Variants in FMN2 observed in about 807,000 individuals in gnomAD.
FMN2 encodes the protein formin-2.
Under a neutral mutation model 142.3 loss-of-function variants are expected in FMN2, and 51 were observed. The ratio of observed to expected loss-of-function variants is 0.36; its 90% CI spans 0.29 to 0.45. The LOEUF is 0.45. Among genes scored for constraint, FMN2 ranks in the 20% least tolerant of loss-of-function variants. FMN2 has a pLI of 1.00. For missense variants in FMN2, 1,936 were observed against 2,122.8 expected (o/e 0.91, Z 1.73); for synonymous variants, 882 against 869.8 (o/e 1.01, Z -0.25).
intron 6 of FMN2, among the ~76,000 whole-genome samples, chr1:240,228,310 AAAAAAAAAAAAAAAAAAAAAAAG>A (rs1352764297): frequency 3.0e-5 from 2 of 67,568 alleles, no homozygotes; most frequent in Non-Finnish European, 5.4e-5. Context: ...TCTCAAAAAA[AAAAAAAAAAAAAAAAAAAAAAAG>A]AAAAAGAAAA....
chr1:240,219,987 C>T (rs1667046437), intron 6 of FMN2, among the ~76,000 whole-genome samples: 1 of 152,052 alleles, frequency 6.6e-6, no homozygotes, highest in Non-Finnish European at 1.5e-5. Context: ...TAGTATTTCA[C>T]CTTTAGTTTT....
intron 6 of FMN2, among the ~76,000 whole-genome samples, chr1:240,246,202 TAAAA>T (rs535256684): frequency 1.6e-4 from 24 of 151,848 alleles, no homozygotes; most frequent in Non-Finnish European, 3.1e-4. Context: ...TAAAAATAAA[TAAAA>T]AAAGTAGAGG....
At chr1:240,427,171 T>TTTTA (rs1222415126) in intron 15 of FMN2, among the ~76,000 whole-genome samples, 4 of 136,886 alleles carry the variant, frequency 2.9e-5, no homozygotes, top group African/African-American at 9.7e-5. Flanking sequence ...ACAACTGATT[T>TTTTA]TATATATATA....
At chr1:240,422,130 G>T (rs9442208) in intron 15 of FMN2, among the ~76,000 whole-genome samples, 1,688 of 152,270 alleles carry the variant, frequency 0.011, 31 homozygotes, top group African/African-American at 0.037. Context: ...TCTTTTGCCA[G>T]TACCATGCTG....
intron 8 of FMN2, among the ~76,000 whole-genome samples, chr1:240,307,420 T>C (rs1236236759): frequency 6.6e-6 from 1 of 152,240 alleles, no homozygotes; most frequent in African/African-American, 2.4e-5. Context: ...TTAATTTTTA[T>C]GTGTGGTAAG....
chr1:240,395,419 G>A (rs190596668), intron 15 of FMN2, among the ~76,000 whole-genome samples: 2 of 152,152 alleles, frequency 1.3e-5, no homozygotes, highest in African/African-American at 4.8e-5. Context: ...CATTTGGTAA[G>A]GCTATAGCTG....
At chr1:240,262,394 T>C (rs1668660849) in intron 7 of FMN2, among the ~76,000 whole-genome samples, 1 of 152,236 alleles carries the variant, frequency 6.6e-6, no homozygotes, top group Admixed American at 6.5e-5. Context: ...CATGTTTTAC[T>C]CAGCATTTTT....
intron 15 of FMN2, among the ~76,000 whole-genome samples, chr1:240,401,280 CTTTTAT>C (rs1210219694): frequency 6.6e-6 from 1 of 152,062 alleles, no homozygotes; most frequent in African/African-American, 2.4e-5. Context: ...TCCATTTCTC[CTTTTAT>C]TTTTATTATA....
intron 14 of FMN2, among the ~76,000 whole-genome samples, chr1:240,388,227 C>CAAAAAAAAAAAAA (rs761610582): frequency 9.9e-4 from 6 of 6,054 alleles, no homozygotes; most frequent in South Asian, 0.017. Context: ...GTGCTCAAAG[C>CAAAAAAAAAAAAA]AAAAAAAAAA....
chr1:240,145,867 G>C (rs1385000800), intron 2 of FMN2, among the ~76,000 whole-genome samples: 1 of 151,910 alleles, frequency 6.6e-6, no homozygotes, highest in Admixed American at 6.6e-5. Flanking sequence ...CAAGGGTCGA[G>C]GCAGAAATCT....
At chr1:240,434,109 G>A (rs1289255053) in intron 15 of FMN2, among the ~76,000 whole-genome samples, 2 of 152,192 alleles carry the variant, frequency 1.3e-5, no homozygotes, top group Non-Finnish European at 2.9e-5. Context: ...CCACAGGGAT[G>A]TTGATTGTTC....
chr1:240,439,279 A>AAAAAAAAG (rs555074808), intron 16 of FMN2, among the ~76,000 whole-genome samples: 2 of 124,772 alleles, frequency 1.6e-5, no homozygotes, highest in African/African-American at 6.3e-5. Flanking sequence ...TCAAAAAAAA[A>AAAAAAAAG]AAAGAAAGAA....
At chr1:240,144,119 C>T in intron 2 of FMN2, 1 of 1,196,644 alleles carries the variant, frequency 8.4e-7, no homozygotes, top group East Asian at 2.3e-5. Context: ...CATCCACATC[C>T]CACAGCAGCA....
chr1:240,139,114 G>A lies in FMN2; in HGVS notation c.1782+15769G>A, dbSNP rs930536011. Among the ~76,000 whole-genome samples the A allele has an allele frequency of 1.3e-5, 2 of 152,116 alleles. 1 individual carries two copies. Among genetic ancestry groups the A allele is most frequent in the Admixed American group, 1.3e-4 (2 of 15,268 alleles). ...CCAGGTGATGCCAATGATGCCGGTCGGGGACCACACTTTAAGAAGTGCTGC... is the reference window on the plus strand; with the variant it reads ...CCAGGTGATGCCAATGATGCCGGTCAGGGACCACACTTTAAGAAGTGCTGC... On this transcript the variant is annotated intron_variant, in intron 2 of 17. Transcript: ENST00000319653.
chr1:240,473,467 G>A lies in FMN2; in HGVS notation c.5143-661G>A, dbSNP rs554712210. Reference sequence around the variant, plus strand: ...AAATGAAAAGTTGAGTTAGGCCTTAGGATAGGACCATTCTAAATTGAATTA... The same window carrying A: ...AAATGAAAAGTTGAGTTAGGCCTTAAGATAGGACCATTCTAAATTGAATTA... On this transcript the variant is annotated intron_variant, in intron 17 of 17. Transcript: ENST00000319653. The surrounding 1 kb of genome is among the most constrained non-coding windows in gnomAD (Gnocchi z 4.3). Among the ~76,000 whole-genome samples the A allele has an allele frequency of 6.6e-6, 1 of 152,184 alleles. No homozygotes were observed. The highest frequency in any genetic ancestry group is 2.4e-5 in the African/African-American group (1 of 41,532).
intron 15 of FMN2, among the ~76,000 whole-genome samples, chr1:240,434,514 T>G (rs2103170537): frequency 6.6e-6 from 1 of 151,852 alleles, no homozygotes; most frequent in Admixed American, 6.6e-5. Flanking sequence ...ATTATTGTCC[T>G]GTTATTTGCT....
chr1:240,118,852 AG>A (rs1662124681), intron 1 of FMN2, among the ~76,000 whole-genome samples: 1 of 152,160 alleles, frequency 6.6e-6, no homozygotes, highest in African/African-American at 2.4e-5. Context: ...TGAATGACGA[AG>A]GGAGGGAATA....
At chr1:240,340,474 G>C (rs1313669454) in intron 13 of FMN2, among the ~76,000 whole-genome samples, 2 of 151,970 alleles carry the variant, frequency 1.3e-5, no homozygotes, top group African/African-American at 4.8e-5. Context: ...CCAGCTACTC[G>C]GGAGGCTGAG....
intron 16 of FMN2, among the ~76,000 whole-genome samples, chr1:240,459,729 A>T (rs1425577418): frequency 9.6e-6 from 1 of 103,698 alleles, no homozygotes; most frequent in African/African-American, 4.8e-5. Context: ...AAAAAAAAAA[A>T]AAAAAAAAAA....
Sources: allele counts gnomAD v4.1 joint callset (sites outside exome capture counted in the v4.1 genomes callset), GRCh38; gene constraint gnomAD v4.1.1; non-coding constraint Gnocchi (gnomAD v3.1); transcripts MANE v1.5; gene names NCBI Gene and HGNC (gene_info 2026-07-23, HGNC 2026-07-21).